The following DHX57 variants were observed in gnomAD, a reference collection of about 807,000 sequenced individuals.
DHX57 encodes DExH-box helicase 57, also known as putative ATP-dependent RNA helicase DHX57.
A neutral mutation model predicts 156.2 loss-of-function variants in DHX57; 105 were observed. The observed-to-expected ratio is 0.67, with a 90% CI of 0.57 to 0.79. The LOEUF (loss-of-function observed/expected upper bound fraction) is 0.79. Among genes scored for constraint, DHX57 ranks in the 30% least tolerant of loss-of-function variants. The pLI is 0.00. For missense variants in DHX57, 1,847 were observed against 1,661.9 expected, an observed-to-expected ratio of 1.11 and a Z score of -1.94; for synonymous variants, 704 against 595.6, an observed-to-expected ratio of 1.18 and a Z score of -2.65.
chr2:38,835,107 A>G (rs1411619628), intron 13 of DHX57, among the ~76,000 whole-genome samples: 1 of 152,250 alleles, frequency 6.6e-6, no homozygotes, highest in Non-Finnish European at 1.5e-5. Flanking sequence ...ACCAAGAGGC[A>G]GCAGATAATG....
intron 6 of DHX57, among the ~76,000 whole-genome samples, chr2:38,857,860 T>A (rs894567180): frequency 5.3e-5 from 8 of 152,336 alleles, no homozygotes; most frequent in Non-Finnish European, 1.2e-4. Flanking sequence ...TCCTTCCTTA[T>A]CCTTCTCCTT....
intron 17 of DHX57, 106 bp from the exon 18 acceptor site, chr2:38,819,250 C>T (rs1670698117): frequency 2.0e-6 from 2 of 985,938 alleles, no homozygotes; most frequent in Non-Finnish European, 1.5e-6. Context: ...TCATAGCCCA[C>T]TGCAACCTTT....
chr2:38,851,800 C>T (rs1672605437), intron 9 of DHX57, among the ~76,000 whole-genome samples: 1 of 152,168 alleles, frequency 6.6e-6, no homozygotes, highest in Admixed American at 6.5e-5. Flanking sequence ...ATAAATCAAT[C>T]ATTTAAATAC....
intron 1 of DHX57, among the ~76,000 whole-genome samples, chr2:38,869,003 T>C (rs530692286): frequency 6.6e-6 from 1 of 152,252 alleles, no homozygotes; most frequent in Admixed American, 6.5e-5. Flanking sequence ...GATTTCACCA[T>C]GTTGGCCAGG....
intron 21 of DHX57, among the ~76,000 whole-genome samples, chr2:38,808,068 C>T (rs1342237205): frequency 1.3e-5 from 2 of 149,168 alleles, no homozygotes. Flanking sequence ...GATTCTCCTG[C>T]CTCAGCCTCT....
chr2:38,821,026 T>C (rs978718849), intron 17 of DHX57, among the ~76,000 whole-genome samples: 2 of 151,742 alleles, frequency 1.3e-5, no homozygotes, highest in Non-Finnish European at 2.9e-5. Flanking sequence ...ATAATACAAA[T>C]ATGTTCTCTG....
At chr2:38,810,539 C>T (rs1670185748) in intron 21 of DHX57, 1 of 566,632 alleles carries the variant, frequency 1.8e-6, no homozygotes. Context: ...TCATTGCCCT[C>T]CACGTTCATG....
At chr2:38,828,831 A>T (rs1029284577) in intron 13 of DHX57, among the ~76,000 whole-genome samples, 1 of 152,238 alleles carries the variant, frequency 6.6e-6, no homozygotes, top group Non-Finnish European at 1.5e-5. Flanking sequence ...CTCTGACTTA[A>T]TAAGGACAAA....
At chr2:38,862,551 C>G (rs564759086) in intron 3 of DHX57, 1 of 371,782 alleles carries the variant, frequency 2.7e-6, no homozygotes, top group Non-Finnish European at 4.7e-6. Flanking sequence ...TATGAACTAA[C>G]TCCTTTAATC....
chr2:38,856,647 G>T, intron 6 of DHX57, 186 bp from the exon 7 acceptor site: 1 of 634,146 alleles, frequency 1.6e-6, no homozygotes, highest in Non-Finnish European at 2.5e-6. Flanking sequence ...GGGACTACAG[G>T]TGTGTGCCAC....
At chr2:38,810,552 C>T (rs911674250) in intron 21 of DHX57, 18 of 573,594 alleles carry the variant, frequency 3.1e-5, no homozygotes, top group African/African-American at 2.9e-4. Context: ...CGTTCATGCT[C>T]ACCTGCTCTC....
intron 6 of DHX57, chr2:38,857,164 G>A (rs1672944024): frequency 6.5e-6 from 1 of 154,062 alleles, no homozygotes; most frequent in Non-Finnish European, 1.5e-5. Context: ...GAAGAATAGT[G>A]TTACTGAGGA....
intron 21 of DHX57, chr2:38,810,635 T>C (rs1572624779): frequency 3.1e-6 from 2 of 655,420 alleles, no homozygotes; most frequent in Non-Finnish European, 5.7e-6. Flanking sequence ...ACCTGCACTT[T>C]CCCTTCCACT....
In DHX57 at chr2:38,861,465, A is replaced by C; in HGVS notation, c.945T>G (p.Phe315Leu). The C allele has an allele frequency of 6.2e-7, 1 of 1,614,066 alleles. No homozygotes were observed. Among genetic ancestry groups the C allele is most frequent in the Non-Finnish European group, 8.5e-7 (1 of 1,180,028 alleles). The change falls in exon 5 of 24, where the codon TTT becomes TTG. Residue 315 changes from phenylalanine (F) to leucine (L), a missense_variant. Transcript: ENST00000457308. ...CKFYLKGNCKFGSKCRFKHEV... is the reference protein window; with the variant it reads ...CKFYLKGNCKLGSKCRFKHEV... The stretch of plus-strand genomic sequence containing the variant: ...CATGTTTGAATCTGCATTTTGATCC[A>C]AATTTACAATTTCCTTTGAGGTAAA...
chr2:38,808,239 C>T (rs548806373), intron 21 of DHX57, among the ~76,000 whole-genome samples: 59 of 152,152 alleles, frequency 3.9e-4, no homozygotes, highest in African/African-American at 1.2e-3. Flanking sequence ...AGGCGTGAGC[C>T]ACTGCACCCA....
chr2:38,858,619 T>C, intron 6 of DHX57, 42 bp downstream of exon 6: 1 of 1,565,256 alleles, frequency 6.4e-7, no homozygotes, highest in Non-Finnish European at 8.6e-7. Context: ...ATCATCCAGA[T>C]ATTAGGGAGG....
Position 38,862,417 on chromosome 2 carries a change from T to A in DHX57, c.384-84A>T, listed in dbSNP as rs956869163. 2.3e-6 allele frequency: 3 copies of A among 1,308,754 alleles called. No homozygotes were observed. In the Admixed American group the frequency reaches 8.7e-5, roughly 38 times the overall value. The allele number at this position is 1,308,754 out of a possible 1,614,324, so 81.1% of individuals were successfully genotyped here. ...ATTTAGCAAAGGTCTAAGAATTTAA[T>A]TCATAGGATCCTGACTACTCTTCAG... On this transcript the variant is annotated intron_variant, in intron 3 of 23. Coordinates refer to ENST00000457308, the MANE Select transcript of DHX57 (RefSeq NM_198963.3).
rs140333800 is a variant in DHX57, at chr2:38,843,179, G to A, written c.2251C>T (p.Arg751Trp). The change falls in exon 12 of 24, where the codon CGG becomes TGG. Residue 751 changes from arginine (R) to tryptophan (W), a missense_variant. Arg to Trp is a moderately radical substitution (Grantham distance 101, BLOSUM62 -3). Transcript: ENST00000457308. ...TCCTTTGAAATCTGTTTCATGGACC[G>A]CATATATGGGCTCCCATCCTGTAAT... is the stretch of plus-strand genomic sequence containing the variant. Reference protein sequence around the residue: ...YVLQDGSPYMRSMKQISKEKL... With the variant: ...YVLQDGSPYMWSMKQISKEKL... 23 of 1,613,950 alleles carry A rather than the reference G, an allele frequency of 1.4e-5. No homozygotes were observed. Among genetic ancestry groups the A allele is most frequent in the African/African-American group, 9.3e-5 (7 of 74,918 alleles).
chr2:38,836,700 G>A (rs550244470), intron 13 of DHX57, among the ~76,000 whole-genome samples: 1 of 151,156 alleles, frequency 6.6e-6, no homozygotes, highest in African/African-American at 2.4e-5. Flanking sequence ...CTTGAACCCA[G>A]GAGGAAGAGG....
Sources: allele counts gnomAD v4.1 joint callset (sites outside exome capture counted in the v4.1 genomes callset), GRCh38; gene constraint gnomAD v4.1.1; transcripts MANE v1.5; gene names NCBI Gene and HGNC (gene_info 2026-07-23, HGNC 2026-07-21).